ULK4: variants seen among roughly 807,000 people sequenced by gnomAD.
ULK4 encodes unc-51 like kinase 4.
Under a neutral mutation model 160.6 loss-of-function variants are expected in ULK4, and 133 were observed. The observed-to-expected ratio is 0.83, with a 90% CI of 0.72 to 0.96. ULK4 has a LOEUF of 0.96. Among genes scored for constraint, ULK4 ranks in the 40% least tolerant of loss-of-function variants. ULK4 has a pLI of 0.00. For missense variants in ULK4, 1,580 were observed against 1,499.5 expected (o/e 1.05, Z -0.89); for synonymous variants, 534 against 539.8 (o/e 0.99, Z 0.15).
chr3:41,505,182 G>T (rs2085335440), intron 32 of ULK4, among the ~76,000 whole-genome samples: 1 of 152,132 alleles, frequency 6.6e-6, no homozygotes, highest in Admixed American at 6.5e-5. Context: ...GTACATAAGT[G>T]TGCAGCTAGA....
chr3:41,479,181 C>G (rs1203421838), intron 32 of ULK4, among the ~76,000 whole-genome samples: 1 of 152,154 alleles, frequency 6.6e-6, no homozygotes, highest in Admixed American at 6.5e-5. Flanking sequence ...CCTTTAGAGC[C>G]CTACACCTCA....
At chr3:41,648,143 G>A (rs528745363) in intron 30 of ULK4, among the ~76,000 whole-genome samples, 44 of 152,270 alleles carry the variant, frequency 2.9e-4, no homozygotes, top group East Asian at 1.2e-3. Flanking sequence ...GACCCCTTGC[G>A]CTTCCCGAGT....
chr3:41,546,456 C>A (rs2086866883), intron 32 of ULK4, among the ~76,000 whole-genome samples: 2 of 152,086 alleles, frequency 1.3e-5, no homozygotes, highest in African/African-American at 4.8e-5. Flanking sequence ...TGTGGTGAGG[C>A]TGGGGTTCCA....
intron 35 of ULK4, among the ~76,000 whole-genome samples, chr3:41,262,808 A>C (rs1291321386): frequency 1.3e-5 from 2 of 152,218 alleles, no homozygotes; most frequent in African/African-American, 4.8e-5. Context: ...GTTTCTGGCC[A>C]TTAAGTCCCA....
At chr3:41,748,826 G>A (rs2125890497) in intron 22 of ULK4, among the ~76,000 whole-genome samples, 1 of 152,214 alleles carries the variant, frequency 6.6e-6, no homozygotes, top group South Asian at 2.1e-4. Flanking sequence ...TTCTAAATCT[G>A]ACTTTTATCA....
intron 16 of ULK4, among the ~76,000 whole-genome samples, chr3:41,894,424 T>G (rs1698082609): frequency 6.6e-6 from 1 of 152,192 alleles, no homozygotes; most frequent in African/African-American, 2.4e-5. Context: ...TTCACCCATA[T>G]TTCACCAACA....
intron 30 of ULK4, among the ~76,000 whole-genome samples, chr3:41,647,642 G>A (rs1461031928): frequency 2.0e-5 from 3 of 152,208 alleles, no homozygotes; most frequent in Non-Finnish European, 4.4e-5. Flanking sequence ...TGGGGGTCAG[G>A]GGTCAGGGAC....
At chr3:41,501,655 T>C (rs2085213238) in intron 32 of ULK4, among the ~76,000 whole-genome samples, 1 of 152,212 alleles carries the variant, frequency 6.6e-6, no homozygotes, top group African/African-American at 2.4e-5. Context: ...CATACATTTT[T>C]GTAGCCAGAA....
chr3:41,485,806 A>C (rs2084506668), intron 32 of ULK4, among the ~76,000 whole-genome samples: 1 of 152,250 alleles, frequency 6.6e-6, no homozygotes, highest in Non-Finnish European at 1.5e-5. Context: ...AATCTCTAAA[A>C]AATTTGAAGT....
chr3:41,302,673 T>C (rs2079822742), intron 35 of ULK4, among the ~76,000 whole-genome samples: 1 of 152,218 alleles, frequency 6.6e-6, no homozygotes, highest in Non-Finnish European at 1.5e-5. Flanking sequence ...AAAGTTCAGA[T>C]TCTAACTTGC....
chr3:41,887,871 T>C (rs1697781323), intron 16 of ULK4, among the ~76,000 whole-genome samples: 1 of 150,728 alleles, frequency 6.6e-6, no homozygotes, highest in East Asian at 2.0e-4. Flanking sequence ...TATTAAAAAA[T>C]GAAAACTTTG....
intron 8 of ULK4, among the ~76,000 whole-genome samples, chr3:41,913,514 C>G: frequency 6.6e-6 from 1 of 152,136 alleles, no homozygotes; most frequent in East Asian, 1.9e-4. Context: ...CGTGAGCCAC[C>G]GTGCTCAGCG....
At chr3:41,382,426 A>G (rs2081678294) in intron 35 of ULK4, among the ~76,000 whole-genome samples, 1 of 152,240 alleles carries the variant, frequency 6.6e-6, no homozygotes, top group South Asian at 2.1e-4. Context: ...AAAAGACAAA[A>G]TAAATTCACT....
chr3:41,763,309 G>A (rs2039049818), intron 21 of ULK4, among the ~76,000 whole-genome samples: 1 of 152,120 alleles, frequency 6.6e-6, no homozygotes, highest in Non-Finnish European at 1.5e-5. Context: ...AGCAAGAAAG[G>A]TGTGAGCAGA....
At chr3:41,554,888 A>G (rs1267917968) in intron 32 of ULK4, among the ~76,000 whole-genome samples, 1 of 152,198 alleles carries the variant, frequency 6.6e-6, no homozygotes, top group Non-Finnish European at 1.5e-5. Context: ...CCTTTTCACC[A>G]TAAAAATACC....
intron 34 of ULK4, among the ~76,000 whole-genome samples, chr3:41,450,213 C>T (rs1234471993): frequency 6.6e-6 from 1 of 151,892 alleles, no homozygotes; most frequent in Non-Finnish European, 1.5e-5. Context: ...CAAATAAGCA[C>T]CTTGCTTTAT....
chr3:41,735,075 G>T (rs75092230), intron 22 of ULK4, among the ~76,000 whole-genome samples: 1 of 152,154 alleles, frequency 6.6e-6, no homozygotes, highest in African/African-American at 2.4e-5. Context: ...GAGAGGGATC[G>T]CAGGGAGACT....
intron 35 of ULK4, among the ~76,000 whole-genome samples, chr3:41,372,277 T>C (rs1208670714): frequency 1.3e-5 from 2 of 152,024 alleles, no homozygotes; most frequent in Non-Finnish European, 2.9e-5. Context: ...AACATTCAAA[T>C]TCAGGAAATA....
At chr3:41,331,403 G>A (rs2080440173) in intron 35 of ULK4, among the ~76,000 whole-genome samples, 1 of 152,180 alleles carries the variant, frequency 6.6e-6, no homozygotes, top group African/African-American at 2.4e-5. Context: ...ATAATAATGT[G>A]TGCAATTACA....
Sources: gnomAD v4.1 joint callset for allele counts (sites outside exome capture counted in the v4.1 genomes callset) on GRCh38, gnomAD v4.1.1 for gene constraint, MANE v1.5 for transcripts, NCBI Gene and HGNC (gene_info 2026-07-23, HGNC 2026-07-21) for gene names.